The following DYNLRB1 variants were observed in gnomAD, a reference collection of about 807,000 sequenced individuals.
The protein encoded by DYNLRB1 is ROBL/LC7-like 1.
DYNLRB1 carries 6 observed loss-of-function variants against 13.5 expected under a neutral mutation model. The observed-to-expected ratio is 0.44, with a 90% CI of 0.24 to 0.88. The LOEUF (loss-of-function observed/expected upper bound fraction) is 0.88. Among genes scored for constraint, DYNLRB1 ranks in the 40% least tolerant of loss-of-function variants. DYNLRB1 has a pLI of 0.21. For missense variants in DYNLRB1, 93 were observed against 127.2 expected, an observed-to-expected ratio of 0.73 and a Z score of 1.29; for synonymous variants, 43 against 45.0, an observed-to-expected ratio of 0.96 and a Z score of 0.18.
In DYNLRB1 at chr20:34,534,809, T is replaced by C. The variant is rs745905482; in HGVS notation, c.247+14T>C. 2 of 1,613,840 alleles carry C rather than the reference T, an allele frequency of 1.2e-6. No homozygotes were observed. The highest frequency in any genetic ancestry group is 1.7e-5 in the Admixed American group (1 of 59,998). On this transcript the variant is annotated intron_variant, in intron 3 of 3. Coordinates refer to ENST00000357156, the MANE Select transcript of DYNLRB1 (RefSeq NM_014183.4). ...TGGTTGCACCAGGTAAGGGGTCTTC[T>C]ACCTCCCCATGTAGGAACAGACCTC...
chr20:34,516,847 A>G (rs1979253749), intron 1 of DYNLRB1: 1 of 1,543,528 alleles, frequency 6.5e-7, no homozygotes. Context: ...TGTATCTTGT[A>G]TTTCCTCCGC....
At chr20:34,529,882 A>G (rs2146637992) in intron 2 of DYNLRB1, 3 of 1,527,118 alleles carry the variant, frequency 2.0e-6, no homozygotes, top group Non-Finnish European at 8.8e-7. Flanking sequence ...CACTGTGGAG[A>G]CAGGAGCAGG....
intron 1 of DYNLRB1, among the ~76,000 whole-genome samples, chr20:34,517,550 A>T: frequency 6.6e-6 from 1 of 152,106 alleles, no homozygotes; most frequent in East Asian, 1.9e-4. Flanking sequence ...ATATTTTGAT[A>T]CATGCATATG....
At chr20:34,535,793 G>T (rs1981098319) in intron 3 of DYNLRB1, 1 of 985,198 alleles carries the variant, frequency 1.0e-6, no homozygotes, top group African/African-American at 1.7e-5. Flanking sequence ...TAACTCAGTT[G>T]CATGGACTTG....
chr20:34,538,169 T>C (rs1277534090), intron 3 of DYNLRB1, among the ~76,000 whole-genome samples: 1 of 146,804 alleles, frequency 6.8e-6, no homozygotes, highest in Non-Finnish European at 1.5e-5. Flanking sequence ...GGTTTCACTA[T>C]GTTGCCCAGG....
At chr20:34,517,157 C>G (rs1273071757) in intron 1 of DYNLRB1, among the ~76,000 whole-genome samples, 4 of 152,128 alleles carry the variant, frequency 2.6e-5, no homozygotes, top group African/African-American at 7.2e-5. Flanking sequence ...GTAATCCTCA[C>G]AGCTTGGGCA....
intron 2 of DYNLRB1, 31 bp downstream of exon 2, chr20:34,526,374 C>T (rs760567403): frequency 1.2e-5 from 19 of 1,610,730 alleles, no homozygotes; most frequent in Non-Finnish European, 1.5e-5. Flanking sequence ...TGACCCGCAC[C>T]CAGGCAGGCC....
chr20:34,536,113 G>GA, intron 3 of DYNLRB1: 1 of 985,408 alleles, frequency 1.0e-6, no homozygotes, highest in Non-Finnish European at 1.2e-6. Context: ...CAGTCACAGA[G>GA]AAGAACATAA....
chr20:34,521,239 T>G (rs1979685421), intron 1 of DYNLRB1, among the ~76,000 whole-genome samples: 1 of 152,214 alleles, frequency 6.6e-6, no homozygotes, highest in African/African-American at 2.4e-5. Flanking sequence ...CTCAAACTCC[T>G]GACCTCAAGT....
intron 3 of DYNLRB1, chr20:34,535,434 G>T: frequency 1.1e-6 from 1 of 879,034 alleles, no homozygotes; most frequent in Non-Finnish European, 1.4e-6. Flanking sequence ...ACCAAGGCCT[G>T]TGTTTAGTCC....
rs2146661087 is a variant in DYNLRB1 at position 34,540,952 on chromosome 20, A to G, written c.*328A>G. ...TTTTCTTTAACTAAAAATAACCAAA[A>G]TGCTTACCCGTCTGTTGTGTCTTTA... On this transcript the variant is annotated 3_prime_UTR_variant, in exon 4 of 4. Coordinates refer to ENST00000357156, the MANE Select transcript of DYNLRB1 (RefSeq NM_014183.4). 1 of 303,482 alleles carries G rather than the reference A, an allele frequency of 3.3e-6. No homozygotes were observed. The highest frequency in any genetic ancestry group is 2.2e-5 in the African/African-American group (1 of 45,948). The allele number at this position is 303,482 out of a possible 1,614,324, so 18.8% of individuals were successfully genotyped here.
rs566827407 is a variant in DYNLRB1 at position 34,532,521 on chromosome 20, AG to A, written c.80-2104del. On this transcript the variant is annotated intron_variant, in intron 2 of 3. Transcript: ENST00000357156. The stretch of plus-strand genomic sequence containing the variant: ...GTTTTCTTAGGCCCCCAGGAATGCG[AG>A]GGTGGGCAGAAAGAGTCGTGGTGGC... Among the ~76,000 whole-genome samples the A allele has an allele frequency of 1.6e-3, 250 of 152,294 alleles. 2 individuals carry two copies. Among genetic ancestry groups the A allele is most frequent in the Non-Finnish European group, 2.2e-3 (150 of 68,018 alleles).
intron 2 of DYNLRB1, among the ~76,000 whole-genome samples, chr20:34,528,424 C>T (rs1980432005): frequency 6.6e-6 from 1 of 151,304 alleles, no homozygotes; most frequent in Admixed American, 6.6e-5. Flanking sequence ...TGAGACACTG[C>T]TGCTGATAGA....
intron 1 of DYNLRB1, among the ~76,000 whole-genome samples, chr20:34,524,355 A>G (rs1687642645): frequency 6.6e-6 from 1 of 152,214 alleles, no homozygotes; most frequent in Admixed American, 6.5e-5. Flanking sequence ...ACCATGGTTA[A>G]TATGTGTATT....
intron 2 of DYNLRB1, 34 bp from the exon 3 acceptor site, chr20:34,534,594 A>G (rs1489036899): frequency 6.6e-7 from 1 of 1,525,710 alleles, no homozygotes; most frequent in Non-Finnish European, 8.8e-7. Context: ...AAGGGGCTCC[A>G]CATCCTCTCA....
At chr20:34,534,585 A>G in intron 2 of DYNLRB1, 43 bp from the exon 3 acceptor site, 1 of 1,519,962 alleles carries the variant, frequency 6.6e-7, no homozygotes. Flanking sequence ...GCTCGGCAGA[A>G]GGGGCTCCAC....
At chr20:34,533,417 C>T (rs949411206) in intron 2 of DYNLRB1, 6 of 938,668 alleles carry the variant, frequency 6.4e-6, no homozygotes, top group African/African-American at 5.3e-5. Flanking sequence ...TAACTTGGCA[C>T]GGCCATGTGG....
At chr20:34,516,374 G>GT, upstream of DYNLRB1, 25 of 1,580,998 alleles carry the variant, frequency 1.6e-5, no homozygotes, top group Non-Finnish European at 2.1e-5. Context: ...AGAGCTGTCC[G>GT]TTTTGACAGA....
chr20:34,522,469 C>CT (rs771811577), intron 1 of DYNLRB1, among the ~76,000 whole-genome samples: 2,755 of 77,136 alleles, frequency 0.036, 187 homozygotes, highest in African/African-American at 0.094. Context: ...TTTTCTTTTT[C>CT]TTTTTTTTTT....
Sources: gnomAD v4.1 joint callset for allele counts (sites outside exome capture counted in the v4.1 genomes callset) on GRCh38, gnomAD v4.1.1 for gene constraint, MANE v1.5 for transcripts, NCBI Gene and HGNC (gene_info 2026-07-23, HGNC 2026-07-21) for gene names.